PIBF1: variants seen among roughly 807,000 people sequenced by gnomAD.
The protein encoded by PIBF1 is progesterone-induced-blocking factor 1.
Under a neutral mutation model 112.5 loss-of-function variants are expected in PIBF1, and 90 were observed. The observed-to-expected ratio is 0.80, with a 90% CI of 0.67 to 0.95. The LOEUF (loss-of-function observed/expected upper bound fraction) is 0.95, where lower values mean the gene tolerates loss of function less well. Ranked by LOEUF, PIBF1 falls within the 40% of genes least tolerant of loss-of-function variation. The pLI is 0.00. For missense variants in PIBF1, 915 were observed against 852.3 expected (o/e 1.07, Z -0.92); for synonymous variants, 301 against 288.6 (o/e 1.04, Z -0.44).
At chr13:72,915,576 A>G (rs147326092) in intron 12 of PIBF1, among the ~76,000 whole-genome samples, 2,523 of 152,270 alleles carry the variant, frequency 0.017, 40 homozygotes, top group Non-Finnish European at 0.026. Flanking sequence ...ATTTAGAACT[A>G]TTAAGGAGAA....
At chr13:72,883,779 C>T (rs936092327) in intron 10 of PIBF1, among the ~76,000 whole-genome samples, 6 of 152,184 alleles carry the variant, frequency 3.9e-5, no homozygotes, top group South Asian at 2.1e-4. Flanking sequence ...TGAGTCACCA[C>T]GCCTGGCCTA....
chr13:72,929,021 T>C (rs972766476), intron 13 of PIBF1, among the ~76,000 whole-genome samples: 2 of 152,234 alleles, frequency 1.3e-5, no homozygotes, highest in Non-Finnish European at 2.9e-5. Flanking sequence ...TGTTTATTGT[T>C]CTATACTGAG....
chr13:72,926,416 C>T (rs1164886376), intron 13 of PIBF1, among the ~76,000 whole-genome samples: 4 of 152,106 alleles, frequency 2.6e-5, no homozygotes, highest in Non-Finnish European at 5.9e-5. Flanking sequence ...AGTAAAAGTT[C>T]CCACAGTTCA....
chr13:72,930,164 C>A (rs769696848), intron 13 of PIBF1, among the ~76,000 whole-genome samples: 21 of 152,090 alleles, frequency 1.4e-4, no homozygotes, highest in Non-Finnish European at 2.9e-4. Context: ...CTGGCCTTAA[C>A]ATTATTTTTT....
intron 15 of PIBF1, 52 bp downstream of exon 15, chr13:72,965,456 T>C (rs1446756915): frequency 1.4e-6 from 2 of 1,438,614 alleles, no homozygotes; most frequent in African/African-American, 1.4e-5. Flanking sequence ...TGTTACCATA[T>C]TGCTGCTGTA....
intron 5 of PIBF1, among the ~76,000 whole-genome samples, chr13:72,812,612 A>C (rs559530266): frequency 6.6e-5 from 10 of 152,046 alleles, no homozygotes; most frequent in African/African-American, 2.4e-4. Context: ...GTGAAACCCT[A>C]TCTCTACCAA....
At chr13:72,959,492 T>C (rs145897665) in intron 14 of PIBF1, among the ~76,000 whole-genome samples, 1 of 152,292 alleles carries the variant, frequency 6.6e-6, no homozygotes, top group Non-Finnish European at 1.5e-5. Flanking sequence ...ATATATTTTA[T>C]AGACAGAAAG....
intron 16 of PIBF1, among the ~76,000 whole-genome samples, chr13:72,992,291 A>G (rs2043506965): frequency 6.6e-6 from 1 of 152,254 alleles, no homozygotes; most frequent in South Asian, 2.1e-4. Context: ...TGAACAAATA[A>G]TATTTCTATA....
intron 2 of PIBF1, among the ~76,000 whole-genome samples, chr13:72,790,361 T>A (rs1479687221): frequency 6.6e-6 from 1 of 151,752 alleles, no homozygotes; most frequent in African/African-American, 2.4e-5. Context: ...AGTTCAGTTT[T>A]GAAGGTGTAA....
At chr13:72,853,935 TG>T in intron 9 of PIBF1, 121 bp from the exon 10 acceptor site, 1 of 698,356 alleles carries the variant, frequency 1.4e-6, no homozygotes, top group Non-Finnish European at 2.5e-6. Flanking sequence ...GTTTATATAG[TG>T]TACACTTTGG....
intron 16 of PIBF1, among the ~76,000 whole-genome samples, chr13:72,989,124 A>G (rs896989621): frequency 1.3e-5 from 2 of 152,240 alleles, no homozygotes; most frequent in African/African-American, 2.4e-5. Context: ...TAGATAAAAC[A>G]GTGTTGACAA....
At chr13:72,982,869 A>T (rs1021642864) in intron 16 of PIBF1, among the ~76,000 whole-genome samples, 23 of 152,210 alleles carry the variant, frequency 1.5e-4, no homozygotes, top group African/African-American at 5.5e-4. Context: ...ACTTTTACAT[A>T]CAATTTTAGA....
chr13:73,014,048 TCCCTC>T (rs1366074381), intron 17 of PIBF1, among the ~76,000 whole-genome samples: 1 of 148,104 alleles, frequency 6.8e-6, no homozygotes, highest in Non-Finnish European at 1.5e-5. Context: ...TCCCTTCCCT[TCCCTC>T]CCCTCCCCTC....
chr13:72,808,604 T>C (rs2138045284), intron 5 of PIBF1, among the ~76,000 whole-genome samples: 1 of 152,322 alleles, frequency 6.6e-6, no homozygotes, highest in South Asian at 2.1e-4. Flanking sequence ...CAATTTTTTT[T>C]GGTATTATTG....
At chr13:72,906,470 A>G (rs2040708612) in intron 11 of PIBF1, among the ~76,000 whole-genome samples, 1 of 152,092 alleles carries the variant, frequency 6.6e-6, no homozygotes, top group Non-Finnish European at 1.5e-5. Flanking sequence ...GATTTTTATT[A>G]AAACAAATCC....
intron 8 of PIBF1, among the ~76,000 whole-genome samples, chr13:72,834,263 G>A (rs1226215505): frequency 1.3e-5 from 2 of 152,194 alleles, no homozygotes; most frequent in Admixed American, 6.5e-5. Context: ...TCTTCTACTG[G>A]ATGTGTAGAA....
intron 10 of PIBF1, among the ~76,000 whole-genome samples, chr13:72,882,581 A>G (rs2039686255): frequency 6.6e-6 from 1 of 152,168 alleles, no homozygotes; most frequent in Non-Finnish European, 1.5e-5. Flanking sequence ...AGTTCAAACA[A>G]CTCAGTAGGA....
At chr13:72,918,876 G>GT (rs984970315) in intron 13 of PIBF1, among the ~76,000 whole-genome samples, 4 of 151,578 alleles carry the variant, frequency 2.6e-5, no homozygotes, top group African/African-American at 9.7e-5. Context: ...GCTAATTTTT[G>GT]TATTTTTAAT....
At chr13:72,970,940 A>C (rs570994322) in intron 15 of PIBF1, among the ~76,000 whole-genome samples, 122 of 152,290 alleles carry the variant, frequency 8.0e-4, no homozygotes, top group African/African-American at 2.8e-3. Context: ...TAATAAACTC[A>C]TGTCTTACAG....
Sources: gnomAD v4.1 joint callset for allele counts (sites outside exome capture counted in the v4.1 genomes callset) on GRCh38, gnomAD v4.1.1 for gene constraint, MANE v1.5 for transcripts, NCBI Gene and HGNC (gene_info 2026-07-23, HGNC 2026-07-21) for gene names.